The following ATG10 variants were observed in gnomAD, a reference collection of about 807,000 sequenced individuals.
ATG10 encodes ubiquitin-like-conjugating enzyme ATG10.
In ATG10, 30 loss-of-function variants were observed where a neutral mutation model predicts 32.1. That is an observed-to-expected ratio of 0.94 (90% CI 0.70 to 1.27). The LOEUF (loss-of-function observed/expected upper bound fraction) is 1.27, where lower values mean the gene tolerates loss of function less well. ATG10 is among the 50% of genes most tolerant of loss of function. The pLI, the probability that ATG10 is intolerant of heterozygous loss-of-function variation, is 0.00. For synonymous variants in ATG10, 87 were observed against 91.5 expected, an observed-to-expected ratio of 0.95 and a Z score of 0.28; for missense variants, 233 against 262.3, an observed-to-expected ratio of 0.89 and a Z score of 0.77.
intron 3 of ATG10, among the ~76,000 whole-genome samples, chr5:82,107,351 A>G (rs1299300966): frequency 6.6e-6 from 1 of 152,092 alleles, no homozygotes; most frequent in East Asian, 1.9e-4. Flanking sequence ...ATTATTTCCA[A>G]AAGAACTCAG....
At chr5:82,128,027 C>T (rs561813236) in intron 3 of ATG10, among the ~76,000 whole-genome samples, 1 of 152,076 alleles carries the variant, frequency 6.6e-6, no homozygotes, top group Non-Finnish European at 1.5e-5. Flanking sequence ...TTCCCTTTAC[C>T]ATTACATAAT....
At chr5:82,184,336 A>G (rs1744363404) in intron 5 of ATG10, among the ~76,000 whole-genome samples, 1 of 152,216 alleles carries the variant, frequency 6.6e-6, no homozygotes, top group Non-Finnish European at 1.5e-5. Flanking sequence ...TAAATATATT[A>G]TGTAATTATT....
chr5:82,097,559 T>G (rs1046368323), intron 3 of ATG10, among the ~76,000 whole-genome samples: 1 of 152,230 alleles, frequency 6.6e-6, no homozygotes, highest in African/African-American at 2.4e-5. Flanking sequence ...ATCATTTTCC[T>G]CATTTAATTT....
At chr5:82,192,277 G>A (rs568384415) in intron 5 of ATG10, among the ~76,000 whole-genome samples, 1 of 152,184 alleles carries the variant, frequency 6.6e-6, no homozygotes, top group Non-Finnish European at 1.5e-5. Context: ...AGGTTGGATG[G>A]TGTTCAGTTC....
At chr5:81,992,405 A>C (rs968746970) in intron 2 of ATG10, 2 of 151,478 alleles carry the variant, frequency 1.3e-5, no homozygotes, top group Non-Finnish European at 2.9e-5. Context: ...TTTAAAATTA[A>C]ATTAAATTTT....
At chr5:82,172,883 G>T (rs1052348687) in intron 4 of ATG10, among the ~76,000 whole-genome samples, 1 of 152,162 alleles carries the variant, frequency 6.6e-6, no homozygotes, top group Admixed American at 6.5e-5. Context: ...ATGAATGTAC[G>T]TGAACAATTG....
chr5:82,147,570 C>T (rs1231396780), intron 3 of ATG10: 1 of 152,182 alleles, frequency 6.6e-6, no homozygotes, highest in Non-Finnish European at 1.5e-5. Flanking sequence ...ACTGTCATTG[C>T]CTGTAGTAGG....
chr5:82,204,978 A>G (rs1202727975), intron 5 of ATG10, among the ~76,000 whole-genome samples: 1 of 152,228 alleles, frequency 6.6e-6, no homozygotes, highest in Non-Finnish European at 1.5e-5. Flanking sequence ...AGCCTAAGAG[A>G]TAATTTTGAA....
At chr5:82,123,767 A>G (rs1021198362) in intron 3 of ATG10, among the ~76,000 whole-genome samples, 1 of 149,562 alleles carries the variant, frequency 6.7e-6, no homozygotes, top group African/African-American at 2.4e-5. Context: ...GTCTGTACAA[A>G]AAAAAAAAAA....
rs562635699 is a variant in ATG10, at chr5:82,014,885, G to T, written c.108+27207G>T. ...TCCTGTCATTATGATGTTAGCTGGTGATTTTGCTCGTTAGTTGATGCAGTT... is the reference window on the plus strand; with the variant it reads ...TCCTGTCATTATGATGTTAGCTGGTTATTTTGCTCGTTAGTTGATGCAGTT... On this transcript the variant is annotated intron_variant, in intron 2 of 7. Coordinates refer to ENST00000282185, the MANE Select transcript of ATG10 (RefSeq NM_031482.5). 6.4e-4 allele frequency among the ~76,000 whole-genome samples: 98 copies of T among 152,282 alleles called. 1 individual carries two copies. The South Asian group carries it at 6.8e-3, about 11-fold the overall frequency.
At chr5:82,068,281 A>T (rs1004169748) in intron 3 of ATG10, among the ~76,000 whole-genome samples, 1 of 152,140 alleles carries the variant, frequency 6.6e-6, no homozygotes, top group Non-Finnish European at 1.5e-5. Context: ...CATCATTCTC[A>T]GCAAACTAAC....
At chr5:82,176,383 C>T (rs1374925166) in intron 4 of ATG10, among the ~76,000 whole-genome samples, 1 of 152,042 alleles carries the variant, frequency 6.6e-6, no homozygotes, top group African/African-American at 2.4e-5. Context: ...CCTTGGCTGC[C>T]CTATTTATAA....
intron 3 of ATG10, among the ~76,000 whole-genome samples, chr5:82,130,093 T>C (rs1487475230): frequency 1.3e-5 from 2 of 152,186 alleles, no homozygotes; most frequent in African/African-American, 4.8e-5. Context: ...TTTGCCAAGC[T>C]GCGGCGGGCT....
chr5:82,010,346 G>A (rs892253662), intron 2 of ATG10, among the ~76,000 whole-genome samples: 2 of 152,094 alleles, frequency 1.3e-5, no homozygotes, highest in Non-Finnish European at 2.9e-5. Flanking sequence ...AATAAGTGTT[G>A]CTATGTTTTC....
chr5:81,978,126 A>G (rs931721995), intron 1 of ATG10, among the ~76,000 whole-genome samples: 7 of 151,910 alleles, frequency 4.6e-5, no homozygotes, highest in Non-Finnish European at 1.0e-4. Flanking sequence ...CTGGAGTGCA[A>G]TGGCATGATC....
chr5:82,231,925 A>C (rs900839543), intron 5 of ATG10, among the ~76,000 whole-genome samples: 6 of 152,238 alleles, frequency 3.9e-5, no homozygotes, highest in African/African-American at 1.4e-4. Flanking sequence ...ATCATCTTGA[A>C]GATTCATCTC....
Position 81,989,522 on chromosome 5 carries a change from A to C in ATG10, c.108+1844A>C, listed in dbSNP as rs186509383. ...CAGCCCTCAGGAAGTCTCCCTCTCC[A>C]GGATGATGTGACTGTGCTAGCAACT... On this transcript the variant is annotated intron_variant, in intron 2 of 7. Coordinates refer to ENST00000282185, the MANE Select transcript of ATG10 (RefSeq NM_031482.5). 2.3e-3 allele frequency among the ~76,000 whole-genome samples: 354 copies of C among 152,304 alleles called. 2 individuals carry two copies. The highest frequency in any genetic ancestry group is 8.2e-3 in the African/African-American group (339 of 41,576).
chr5:82,084,033 T>A (rs900567813), intron 3 of ATG10, among the ~76,000 whole-genome samples: 5 of 152,118 alleles, frequency 3.3e-5, no homozygotes, highest in Admixed American at 2.0e-4. Flanking sequence ...CAGACTTCTC[T>A]GAGCTAAAAG....
chr5:81,984,840 A>G (rs766882856), intron 1 of ATG10, among the ~76,000 whole-genome samples: 2 of 152,230 alleles, frequency 1.3e-5, no homozygotes, highest in Non-Finnish European at 2.9e-5. Context: ...CAAAAAAACA[A>G]TAATTATTCC....
Sources: gnomAD v4.1 joint callset for allele counts (sites outside exome capture counted in the v4.1 genomes callset) on GRCh38, gnomAD v4.1.1 for gene constraint, MANE v1.5 for transcripts, NCBI Gene and HGNC (gene_info 2026-07-23, HGNC 2026-07-21) for gene names.